Variants in SNTB2 observed in about 807,000 individuals in gnomAD.
The protein encoded by SNTB2 is beta-2-syntrophin.
Under a neutral mutation model 46.2 loss-of-function variants are expected in SNTB2, and 34 were observed. The observed-to-expected ratio is 0.74, with a 90% CI of 0.56 to 0.98. SNTB2 has a LOEUF of 0.98. Ranked by LOEUF, SNTB2 falls within the 50% of genes least tolerant of loss-of-function variation. The pLI, the probability that SNTB2 is intolerant of heterozygous loss-of-function variation, is 0.00. For missense variants in SNTB2, 603 were observed against 731.4 expected (o/e 0.82, Z 2.02); for synonymous variants, 290 against 312.6 (o/e 0.93, Z 0.76).
intron 2 of SNTB2, among the ~76,000 whole-genome samples, chr16:69,253,426 G>C (rs934222826): frequency 2.0e-5 from 3 of 151,388 alleles, no homozygotes; most frequent in Admixed American, 2.0e-4. Context: ...GAGGCGGGTG[G>C]ATCACGAGGT....
chr16:69,288,651 A>G (rs574604794), intron 5 of SNTB2, among the ~76,000 whole-genome samples: 1 of 152,318 alleles, frequency 6.6e-6, no homozygotes, highest in East Asian at 1.9e-4. Flanking sequence ...AAAGCTAAAA[A>G]TAGAACTACT....
rs1445934730 is a variant in SNTB2, at chr16:69,301,172, G to A, written c.*248G>A. The stretch of plus-strand genomic sequence containing the variant: ...TTGATTTATTCTCATTTCAAAATAT[G>A]GTTTATGAGTAATTAGGTTTATTTC... On this transcript the variant is annotated 3_prime_UTR_variant, in exon 7 of 7. Transcript: ENST00000336278. 2.7e-6 allele frequency: 1 copy of A among 364,236 alleles called. No homozygotes were observed. The highest frequency in any genetic ancestry group is 4.1e-5 in the East Asian group (1 of 24,118). The allele number at this position is 364,236 out of a possible 1,614,324, so 22.6% of individuals were successfully genotyped here. A position where few individuals can be genotyped will look rare whatever the true frequency, so the allele number is the denominator to read the frequency against.
At chr16:69,296,788 C>T (rs1431762616) in intron 5 of SNTB2, among the ~76,000 whole-genome samples, 1 of 151,680 alleles carries the variant, frequency 6.6e-6, no homozygotes, top group East Asian at 1.9e-4. Flanking sequence ...GGGCAGATCA[C>T]GTGAGGTCAG....
intron 2 of SNTB2, among the ~76,000 whole-genome samples, chr16:69,256,136 A>G (rs1372224090): frequency 6.6e-6 from 1 of 152,106 alleles, no homozygotes; most frequent in Non-Finnish European, 1.5e-5. Context: ...CAGTGAGCCA[A>G]GATCGGGCCA....
chr16:69,258,642 C>T (rs1369287886), intron 2 of SNTB2, among the ~76,000 whole-genome samples: 7 of 124,462 alleles, frequency 5.6e-5, no homozygotes, highest in Non-Finnish European at 9.5e-5. Flanking sequence ...GAGGGAGTCT[C>T]GCTTTGTCGC....
chr16:69,226,853 C>T (rs1313833837), intron 1 of SNTB2, among the ~76,000 whole-genome samples: 1 of 152,194 alleles, frequency 6.6e-6, no homozygotes, highest in African/African-American at 2.4e-5. Flanking sequence ...TTTTATGTTA[C>T]TGCAGGAGCA....
At chr16:69,280,741 T>C (rs945555169) in intron 4 of SNTB2, among the ~76,000 whole-genome samples, 2 of 152,214 alleles carry the variant, frequency 1.3e-5, no homozygotes, top group Admixed American at 1.3e-4. Flanking sequence ...TGGATACCAG[T>C]CCTGTATCAG....
At chr16:69,224,677 A>G (rs1338672958) in intron 1 of SNTB2, among the ~76,000 whole-genome samples, 1 of 152,210 alleles carries the variant, frequency 6.6e-6, no homozygotes, top group Non-Finnish European at 1.5e-5. Context: ...TACTACACTT[A>G]CTAATGAGAA....
chr16:69,269,228 C>T (rs888183185), intron 3 of SNTB2, among the ~76,000 whole-genome samples: 2 of 151,110 alleles, frequency 1.3e-5, no homozygotes, highest in Non-Finnish European at 3.0e-5. Flanking sequence ...TTAAAAAATA[C>T]GATAGATGGG....
intron 4 of SNTB2, among the ~76,000 whole-genome samples, chr16:69,277,887 A>T (rs1453816067): frequency 2.6e-5 from 4 of 152,228 alleles, no homozygotes; most frequent in Non-Finnish European, 5.9e-5. Flanking sequence ...AATAGGGAAA[A>T]TATAAAAAGT....
rs1567416360 is a variant in SNTB2, at chr16:69,292,382, TATATATATTATATA to T, written c.1346-7207_1346-7194del. ...TATATATATATATATATATATATTA[TATATATATTATATA>T]TATATATATATTATATATATATTAT... On this transcript the variant is annotated intron_variant, in intron 5 of 6. Transcript: ENST00000336278. 6.3e-4 allele frequency among the ~76,000 whole-genome samples: 15 copies of T among 23,668 alleles called. 1 individual carries two copies. The highest frequency in any genetic ancestry group is 3.5e-3 in the Admixed American group (5 of 1,448). 15.5% of individuals were successfully genotyped at this position (23,668 alleles called of 152,430 possible).
In SNTB2 at chr16:69,292,368, A is replaced by ATATATATAT. The variant is rs1965170112; in HGVS notation, c.1346-7221_1346-7213dup. Among the ~76,000 whole-genome samples, 7 of 26,382 alleles carry ATATATATAT rather than the reference A, an allele frequency of 2.7e-4. No individual in the cohort carries two copies. The East Asian group carries it at 3.9e-3, about 15-fold the overall frequency. 17.3% of individuals were successfully genotyped at this position (26,382 alleles called of 152,430 possible). On this transcript the variant is annotated intron_variant, in intron 5 of 6. Coordinates refer to ENST00000336278, the MANE Select transcript of SNTB2 (RefSeq NM_006750.4). ...CACCTTATTTTTTATATATATATAT[A>ATATATATAT]TATATATATATTATATATATATTAT...
chr16:69,255,096 TTTTA>T (rs1964760743), intron 2 of SNTB2, among the ~76,000 whole-genome samples: 1 of 151,982 alleles, frequency 6.6e-6, no homozygotes, highest in South Asian at 2.1e-4. Context: ...ATTATTTTTA[TTTTA>T]TTTATTTATT....
chr16:69,300,695 C>G (rs966393784), intron 6 of SNTB2, 137 bp from the exon 7 acceptor site: 11 of 633,156 alleles, frequency 1.7e-5, no homozygotes, highest in Non-Finnish European at 3.2e-5. Context: ...GCACTTTTGC[C>G]TGTGGCTTTA....
intron 2 of SNTB2, 48 bp from the exon 3 acceptor site, chr16:69,260,002 G>A (rs376425186): frequency 8.5e-6 from 12 of 1,417,648 alleles, no homozygotes; most frequent in African/African-American, 2.8e-5. Flanking sequence ...TGGCAGGTTT[G>A]GTGACTTCTG....
chr16:69,252,715 T>G (rs76536145), intron 2 of SNTB2, among the ~76,000 whole-genome samples: 76 of 152,312 alleles, frequency 5.0e-4, no homozygotes, highest in Non-Finnish European at 9.0e-4. Context: ...AAATGTTAAT[T>G]GCATTTCTCA....
At chr16:69,298,297 G>A (rs1216195876) in intron 5 of SNTB2, among the ~76,000 whole-genome samples, 1 of 152,102 alleles carries the variant, frequency 6.6e-6, no homozygotes, top group Non-Finnish European at 1.5e-5. Context: ...ATTCAGAGGT[G>A]TCCTTTGAAT....
At chr16:69,221,444 A>G (rs1276920295) in intron 1 of SNTB2, among the ~76,000 whole-genome samples, 1 of 152,140 alleles carries the variant, frequency 6.6e-6, no homozygotes, top group Non-Finnish European at 1.5e-5. Context: ...ATGTCTGGAA[A>G]TTTTCTACCA....
At chr16:69,237,200 T>C (rs995626261) in intron 1 of SNTB2, among the ~76,000 whole-genome samples, 2 of 151,794 alleles carry the variant, frequency 1.3e-5, no homozygotes, top group African/African-American at 2.4e-5. Flanking sequence ...TGAGAAGTGC[T>C]AAAATCAGAG....
Sources: allele counts gnomAD v4.1 joint callset (sites outside exome capture counted in the v4.1 genomes callset), GRCh38; gene constraint gnomAD v4.1.1; transcripts MANE v1.5; gene names NCBI Gene and HGNC (gene_info 2026-07-23, HGNC 2026-07-21).